The following SYNJ2BP variants were observed in gnomAD, a reference collection of about 807,000 sequenced individuals.
SYNJ2BP encodes the protein synaptojanin-2-binding protein.
A neutral mutation model predicts 16.9 loss-of-function variants in SYNJ2BP; 10 were observed. The ratio of observed to expected loss-of-function variants is 0.59; its 90% confidence interval spans 0.36 to 1.00. SYNJ2BP has a LOEUF of 1.00. SYNJ2BP is among the 50% of genes least tolerant of loss of function. The probability of loss-of-function intolerance (pLI) is 0.01; values close to 1 mark genes in which losing one functional copy is unlikely to be tolerated. For missense variants in SYNJ2BP, 162 were observed against 186.7 expected (o/e 0.87, Z 0.77); for synonymous variants, 54 against 68.4 (o/e 0.79, Z 1.04).
chr14:70,417,067 C>T lies in SYNJ2BP; in HGVS notation c.-104G>A. ...GCCCACAGCACAGCGGTTTCGGTTT[C>T]AGCAGCCTCGAGACCCGGAAAAGGA... is the stretch of plus-strand genomic sequence containing the variant. On this transcript the variant is annotated 5_prime_UTR_variant, in exon 1 of 4. Transcript: ENST00000256366. The T allele has an allele frequency of 6.3e-7, 1 of 1,575,218 alleles. No homozygotes were observed. Among genetic ancestry groups the T allele is most frequent in the South Asian group, 1.2e-5 (1 of 86,820 alleles).
At chr14:70,384,247 T>A (rs1174754081) in intron 2 of SYNJ2BP, among the ~76,000 whole-genome samples, 1 of 152,230 alleles carries the variant, frequency 6.6e-6, no homozygotes, top group Non-Finnish European at 1.5e-5. Flanking sequence ...AAGGAAGAGA[T>A]ACATTTTTAG....
intron 1 of SYNJ2BP, among the ~76,000 whole-genome samples, chr14:70,395,137 C>T (rs568493290): frequency 6.6e-6 from 1 of 152,304 alleles, no homozygotes; most frequent in East Asian, 1.9e-4. Context: ...GTAATATATT[C>T]TAGAGGAAGA....
intron 1 of SYNJ2BP, among the ~76,000 whole-genome samples, chr14:70,410,101 G>A (rs537072302): frequency 6.3e-4 from 96 of 151,968 alleles, no homozygotes; most frequent in African/African-American, 2.2e-3. Context: ...CTGGGGGACA[G>A]AGCAAGACCC....
intron 1 of SYNJ2BP, among the ~76,000 whole-genome samples, chr14:70,394,559 TG>T (rs1410519777): frequency 6.6e-6 from 1 of 151,818 alleles, no homozygotes; most frequent in Non-Finnish European, 1.5e-5. Context: ...AATGGGTTGC[TG>T]GGTGTCTATT....
At chr14:70,384,149 AG>A in intron 2 of SYNJ2BP, among the ~76,000 whole-genome samples, 1 of 152,290 alleles carries the variant, frequency 6.6e-6, no homozygotes, top group Middle Eastern at 3.4e-3. Context: ...GAGAATGAAA[AG>A]GTTAAATTAA....
At chr14:70,390,385 G>C (rs995122506) in intron 1 of SYNJ2BP, among the ~76,000 whole-genome samples, 3 of 152,086 alleles carry the variant, frequency 2.0e-5, no homozygotes, top group Non-Finnish European at 4.4e-5. Context: ...ACATATGCGG[G>C]GGGCCGGGCG....
intron 1 of SYNJ2BP, among the ~76,000 whole-genome samples, chr14:70,389,092 G>A (rs901784754): frequency 2.0e-5 from 3 of 151,946 alleles, no homozygotes; most frequent in Non-Finnish European, 4.4e-5. Context: ...ACAGGTGTGA[G>A]CCACCATGCC....
Position 70,373,053 on chromosome 14 carries a change from G to C in SYNJ2BP, c.376C>G (p.Pro126Ala). ...GCTACCATGGTGAGGGCAAACACTGGCACCAGCACCATAAATATGGGAATA... is the reference window on the plus strand; with the variant it reads ...GCTACCATGGTGAGGGCAAACACTGCCACCAGCACCATAAATATGGGAATA... ...SGIPIFMVLV[P>A]VFALTMVAAW... The change falls in exon 4 of 4, where the codon CCA becomes GCA. Residue 126 changes from proline to alanine, a missense_variant. Transcript: ENST00000256366. The C allele has an allele frequency of 6.2e-7, 1 of 1,614,116 alleles. No homozygotes were observed. Among genetic ancestry groups the C allele is most frequent in the Non-Finnish European group, 8.5e-7 (1 of 1,180,024 alleles).
intron 3 of SYNJ2BP, among the ~76,000 whole-genome samples, chr14:70,374,178 T>G (rs1210986125): frequency 5.3e-5 from 8 of 152,254 alleles, no homozygotes; most frequent in Admixed American, 5.2e-4. Flanking sequence ...TCCAAAAGAA[T>G]TGTAATCATA....
intron 2 of SYNJ2BP, among the ~76,000 whole-genome samples, chr14:70,385,463 T>G (rs1379863771): frequency 7.9e-5 from 12 of 152,154 alleles, no homozygotes. Context: ...TTCAAGCGAT[T>G]CTCGTGCCTC....
intron 1 of SYNJ2BP, among the ~76,000 whole-genome samples, chr14:70,394,317 G>A (rs529028645): frequency 8.5e-5 from 13 of 152,130 alleles, no homozygotes; most frequent in African/African-American, 3.1e-4. Flanking sequence ...AGGTATGAAG[G>A]GTGAAAAAAG....
At chr14:70,400,693 T>C (rs1017126763) in intron 1 of SYNJ2BP, among the ~76,000 whole-genome samples, 1 of 152,230 alleles carries the variant, frequency 6.6e-6, no homozygotes, top group Non-Finnish European at 1.5e-5. Flanking sequence ...TGCCTTCTTA[T>C]ACTTTTACTA....
In SYNJ2BP at chr14:70,368,400, G is replaced by A. The variant is rs189293635; in HGVS notation, c.*4591C>T. ...GAATATATTCAAGACATAAATATGA[G>A]ACAGAAAGGTCACTTCTGCAACAAA... On this transcript the variant is annotated 3_prime_UTR_variant, in exon 4 of 4. Coordinates refer to ENST00000256366, the MANE Select transcript of SYNJ2BP (RefSeq NM_018373.3). The A allele has an allele frequency of 7.2e-5, 11 of 152,342 alleles. No homozygotes were observed. In the East Asian group the frequency reaches 1.9e-3, roughly 27 times the overall value. The allele number at this position is 152,342 out of a possible 1,614,324, so 9.4% of individuals were successfully genotyped here.
chr14:70,417,079 G>A lies in SYNJ2BP; in HGVS notation c.-116C>T, dbSNP rs1888631522. 8.5e-6 allele frequency: 13 copies of A among 1,522,640 alleles called. No homozygotes were observed. Among genetic ancestry groups the A allele is most frequent in the East Asian group, 4.6e-5 (2 of 43,724 alleles). The allele number at this position is 1,522,640 out of a possible 1,614,324, so 94.3% of individuals were successfully genotyped here. ...GCGGTTTCGGTTTCAGCAGCCTCGA[G>A]ACCCGGAAAAGGAAGCCCGAAGGAC... is the stretch of plus-strand genomic sequence containing the variant. On this transcript the variant is annotated 5_prime_UTR_variant, in exon 1 of 4. Transcript: ENST00000256366.
Position 70,372,656 on chromosome 14 carries a change from A to G in SYNJ2BP, c.*335T>C, listed in dbSNP as rs1008598766. ...ATATCACATAGCTGGCCTTTATGGCATGCCAGCTAAGAAAAAAGGTATTGC... is the reference window on the plus strand; with the variant it reads ...ATATCACATAGCTGGCCTTTATGGCGTGCCAGCTAAGAAAAAAGGTATTGC... On this transcript the variant is annotated 3_prime_UTR_variant, in exon 4 of 4. Transcript: ENST00000256366. 2.1e-5 allele frequency: 4 copies of G among 194,318 alleles called. No individual in the cohort carries two copies. The highest frequency in any genetic ancestry group is 9.3e-5 in the African/African-American group (4 of 43,032). The allele number at this position is 194,318 out of a possible 1,614,324, so 12.0% of individuals were successfully genotyped here. A position where few individuals can be genotyped will look rare whatever the true frequency, so the allele number is the denominator to read the frequency against.
chr14:70,397,434 T>C (rs1888124676), intron 1 of SYNJ2BP, among the ~76,000 whole-genome samples: 1 of 152,220 alleles, frequency 6.6e-6, no homozygotes, highest in Admixed American at 6.5e-5. Context: ...TTTTCAACAT[T>C]TGCTTGATAC....
rs1241195010 is a variant in SYNJ2BP at position 70,372,575 on chromosome 14, G to A, written c.*416C>T. ...GGTACGTAGTTAGAAATTAAATAAA[G>A]GCCACAATAATTTCCCAAGGAAGAT... On this transcript the variant is annotated 3_prime_UTR_variant, in exon 4 of 4. Transcript: ENST00000256366. 1 of 162,748 alleles carries A rather than the reference G, an allele frequency of 6.1e-6. No individual in the cohort carries two copies. The highest frequency in any genetic ancestry group is 1.8e-4 in the East Asian group (1 of 5,454). The allele number at this position is 162,748 out of a possible 1,614,324, so 10.1% of individuals were successfully genotyped here. A position where few individuals can be genotyped will look rare whatever the true frequency, so the allele number is the denominator to read the frequency against.
At chr14:70,396,582 A>ATG (rs142787455) in intron 1 of SYNJ2BP, among the ~76,000 whole-genome samples, 3 of 150,280 alleles carry the variant, frequency 2.0e-5, no homozygotes, top group Admixed American at 6.6e-5. Context: ...GTGTGTATGT[A>ATG]TGTATGTATG....
rs1389306519 is a variant in SYNJ2BP, at chr14:70,388,452, G to A, written c.201+18C>T. On this transcript the variant is annotated intron_variant, in intron 2 of 3. Transcript: ENST00000256366. ...TAGGGAGCAAAGGACAGTGAAGGAG[G>A]CCGAAGCCCATTCTCACCGAAAGGA... 2 of 1,535,982 alleles carry A rather than the reference G, an allele frequency of 1.3e-6. No individual in the cohort carries two copies. Among genetic ancestry groups the A allele is most frequent in the South Asian group, 1.3e-5 (1 of 76,460 alleles).
Sources: gnomAD v4.1 joint callset for allele counts (sites outside exome capture counted in the v4.1 genomes callset) on GRCh38, gnomAD v4.1.1 for gene constraint, MANE v1.5 for transcripts, NCBI Gene and HGNC (gene_info 2026-07-23, HGNC 2026-07-21) for gene names.